The following PRRC2B variants were observed in gnomAD, a reference collection of about 807,000 sequenced individuals.
PRRC2B encodes proline rich coiled-coil 2B.
Under a neutral mutation model 242.3 loss-of-function variants are expected in PRRC2B, and 68 were observed. That is an observed-to-expected ratio of 0.28 (90% CI 0.23 to 0.34). The LOEUF is 0.34. Among genes scored for constraint, PRRC2B ranks in the 10% least tolerant of loss-of-function variants. PRRC2B has a pLI of 1.00. For missense variants in PRRC2B, 2,835 were observed against 2,954.8 expected (o/e 0.96, Z 0.94); for synonymous variants, 1,228 against 1,173.6 (o/e 1.05, Z -0.95).
intron 8 of PRRC2B, 90 bp from the exon 9 acceptor site, chr9:131,447,571 CT>C (rs1838843605): frequency 1.6e-6 from 2 of 1,234,582 alleles, no homozygotes; most frequent in Non-Finnish European, 2.2e-6. Context: ...AAACATGAAC[CT>C]TTGCAGTGTG....
In PRRC2B at chr9:131,475,231, C is replaced by T. The variant is rs1219920758; in HGVS notation, c.3102C>T (p.Pro1034=). ...CTGACAAGGCCTGGGAAGCCAGACC[C>T]CCACGAGAGTCCAGCGATGTTCCCC... is the stretch of plus-strand genomic sequence containing the variant. ...EKPDKAWEAR[P]PRESSDVPPM... is the part of the protein sequence containing the mutation. The change falls in exon 16 of 32, where the codon CCC becomes CCT. Residue 1034 remains proline (P), a synonymous_variant. Coordinates refer to ENST00000683519, the MANE Select transcript of PRRC2B (RefSeq NM_013318.4). The T allele has an allele frequency of 1.9e-6, 3 of 1,613,626 alleles. No individual in the cohort carries two copies. The highest frequency in any genetic ancestry group is 2.5e-6 in the Non-Finnish European group (3 of 1,179,878).
chr9:131,458,795 G>A (rs1401687209), intron 10 of PRRC2B, among the ~76,000 whole-genome samples: 8 of 152,168 alleles, frequency 5.3e-5, no homozygotes, highest in Non-Finnish European at 8.8e-5. Context: ...GAGCCACTAC[G>A]CCCAGGCCCT....
At chr9:131,419,657 CTTG>C (rs1837745737) in intron 1 of PRRC2B, among the ~76,000 whole-genome samples, 1 of 135,556 alleles carries the variant, frequency 7.4e-6, no homozygotes, top group African/African-American at 2.8e-5. Context: ...TCTTTGTTCT[CTTG>C]TTTATTCCTT....
At chr9:131,391,026 C>T (rs550537514), upstream of PRRC2B, among the ~76,000 whole-genome samples, 1 of 152,024 alleles carries the variant, frequency 6.6e-6, no homozygotes, top group East Asian at 1.9e-4. Flanking sequence ...ACCAAGTGAT[C>T]TGCCCACCTC....
intron 14 of PRRC2B, among the ~76,000 whole-genome samples, chr9:131,471,927 G>T (rs962669683): frequency 6.6e-6 from 1 of 152,150 alleles, no homozygotes; most frequent in Non-Finnish European, 1.5e-5. Context: ...TTACTAAAAG[G>T]TGTTTTAAAA....
intron 13 of PRRC2B, among the ~76,000 whole-genome samples, chr9:131,468,611 T>A (rs964541735): frequency 6.6e-6 from 1 of 152,136 alleles, no homozygotes; most frequent in African/African-American, 2.4e-5. Flanking sequence ...GGGAACACAG[T>A]AGTCAATACT....
intron 3 of PRRC2B, among the ~76,000 whole-genome samples, chr9:131,436,362 G>T (rs995417274): frequency 6.6e-6 from 1 of 152,018 alleles, no homozygotes; most frequent in Admixed American, 6.6e-5. Context: ...GAGACCCCCT[G>T]TCTCAAAAAA....
Position 131,473,722 on chromosome 9 carries a change from C to T in PRRC2B, c.2322C>T (p.Val774=), listed in dbSNP as rs2131442998. 1 of 1,612,024 alleles carries T rather than the reference C, an allele frequency of 6.2e-7. No individual in the cohort carries two copies. The highest frequency in any genetic ancestry group is 2.2e-5 in the East Asian group (1 of 44,842). ...ACACCTTGGCTATGGACATGCGTGT[C>T]AGGTGAGATGAAGCCTGGTCCTGCT... ...SSDTLAMDMR[V]RNESSFSASL... Residue 774 remains valine (V), a splice_region_variant and synonymous_variant, in exon 15 of 32, where the codon GTC becomes GTT. Coordinates refer to ENST00000683519, the MANE Select transcript of PRRC2B (RefSeq NM_013318.4).
At chr9:131,444,469 C>T in intron 6 of PRRC2B, 141 bp downstream of exon 6, 3 of 909,818 alleles carry the variant, frequency 3.3e-6, no homozygotes, top group Non-Finnish European at 4.9e-6. Context: ...GCCACGTGAT[C>T]TGTGCATCCA....
rs140624669 is a variant in PRRC2B, at chr9:131,451,609, A to G, written c.1121-3467A>G. On this transcript the variant is annotated intron_variant, in intron 9 of 31. Coordinates refer to ENST00000683519, the MANE Select transcript of PRRC2B (RefSeq NM_013318.4). The stretch of plus-strand genomic sequence containing the variant: ...GTATTTTGCCTTATTGCACTGTGGT[A>G]TACTTCTAGTATAATATTAACCTCA... Among the ~76,000 whole-genome samples, 437 of 150,668 alleles carry G rather than the reference A, an allele frequency of 2.9e-3. 1 individual carries two copies. Among genetic ancestry groups the G allele is most frequent in the Middle Eastern group, 0.014 (4 of 290 alleles).
Position 131,491,405 on chromosome 9 carries a change from C to T in PRRC2B, c.6226-20C>T. 6.3e-7 allele frequency: 1 copy of T among 1,575,702 alleles called. No individual in the cohort carries two copies. The highest frequency in any genetic ancestry group is 8.6e-7 in the Non-Finnish European group (1 of 1,160,740). On this transcript the variant is annotated intron_variant, in intron 28 of 31. Transcript: ENST00000683519. ...TCCATAGCATCATTCCCCCTCCTGA[C>T]TGTCATTGTCGCCCAGCAGCTGACC...
At chr9:131,428,743 G>C (rs1838041506) in intron 1 of PRRC2B, among the ~76,000 whole-genome samples, 1 of 152,056 alleles carries the variant, frequency 6.6e-6, no homozygotes, top group Non-Finnish European at 1.5e-5. Flanking sequence ...TGACCAGGCT[G>C]GTCTCAAACT....
rs1316111099 is a variant in PRRC2B at position 131,455,105 on chromosome 9, A to G, written c.1150A>G (p.Lys384Glu). The stretch of plus-strand genomic sequence containing the variant: ...CCATGAAGAAGTGGACTATTCTGAG[A>G]AACTGAAGTTCAGTGATGATGAAGA... ...GLHEEVDYSE[K>E]LKFSDDEEEE... The change falls in exon 10 of 32, where the codon AAA becomes GAA. Residue 384 changes from lysine to glutamate, a missense_variant. Around this residue, in one of 7 missense-constraint regions of PRRC2B, gnomAD observed 626 missense variants for 685.5 expected, o/e 0.91. Coordinates refer to ENST00000683519, the MANE Select transcript of PRRC2B (RefSeq NM_013318.4). The G allele has an allele frequency of 6.2e-7, 1 of 1,613,832 alleles. No individual in the cohort carries two copies. Among genetic ancestry groups the G allele is most frequent in the African/African-American group, 1.3e-5 (1 of 75,024 alleles).
intron 1 of PRRC2B, among the ~76,000 whole-genome samples, chr9:131,420,455 TTCTTTCTTTCTTTC>T (rs1837779177): frequency 9.9e-5 from 1 of 10,058 alleles, no homozygotes; most frequent in African/African-American, 1.7e-4. Context: ...CTTTTTCTTT[TTCTTTCTTTCTTTC>T]TTTCTTTCTT....
intron 1 of PRRC2B, among the ~76,000 whole-genome samples, chr9:131,387,290 C>A (rs754102512): frequency 6.7e-6 from 1 of 149,984 alleles, no homozygotes; most frequent in Non-Finnish European, 1.5e-5. Flanking sequence ...CGTGAGCCAC[C>A]GCGCCCGGCC....
intron 19 of PRRC2B, 71 bp from the exon 20 acceptor site, chr9:131,481,655 C>A (rs561362936): frequency 8.0e-7 from 1 of 1,254,674 alleles, no homozygotes. Context: ...TGTGCTTGTT[C>A]TTTAAGAGCT....
Position 131,495,707 on chromosome 9 carries a change from G to A in PRRC2B, c.6556-33G>A, listed in dbSNP as rs564337723. 3.1e-6 allele frequency: 5 copies of A among 1,589,260 alleles called. No homozygotes were observed. In the African/African-American group the frequency reaches 4.0e-5, roughly 13 times the overall value. On this transcript the variant is annotated intron_variant, in intron 31 of 31. Coordinates refer to ENST00000683519, the MANE Select transcript of PRRC2B (RefSeq NM_013318.4). ...TATCCAAACACGTTTCAGCGTCAGG[G>A]TCACTTTGTTTTTCCCATTCATCTG...
rs143243640 is a variant in PRRC2B, at chr9:131,421,744, C to T, written c.-51-8350C>T. Among the ~76,000 whole-genome samples the T allele has an allele frequency of 6.0e-4, 91 of 152,302 alleles. 1 individual carries two copies. The highest frequency in any genetic ancestry group is 2.1e-3 in the African/African-American group (87 of 41,562). On this transcript the variant is annotated intron_variant, in intron 1 of 31. Coordinates refer to ENST00000683519, the MANE Select transcript of PRRC2B (RefSeq NM_013318.4). ...TGAAGAGTGAAGTGACTGGATTTGC[C>T]TTGGGTGAGAATCTGGCTGTTGGTG... is the stretch of plus-strand genomic sequence containing the variant.
In PRRC2B at chr9:131,476,234, C is replaced by T. The variant is rs374118917; in HGVS notation, c.4105C>T (p.His1369Tyr). ...PELSYQNSSD[H>Y]ANEEWETASE... ...GCTCTCCTACCAGAACTCCTCCGAT[C>T]ACGCCAATGAGGAGTGGGAGACGGC... Residue 1369 changes from histidine (H) to tyrosine (Y), a missense_variant, in exon 16 of 32, where the codon CAC becomes TAC. Physicochemically the swap from His to Tyr is moderately conservative, Grantham distance 83 (BLOSUM62 2). Around this residue, in one of 7 missense-constraint regions of PRRC2B, gnomAD observed 1,536 missense variants for 1,483.1 expected, o/e 1.04. Coordinates refer to ENST00000683519, the MANE Select transcript of PRRC2B (RefSeq NM_013318.4). 2 of 1,612,970 alleles carry T rather than the reference C, an allele frequency of 1.2e-6. No homozygotes were observed. Among genetic ancestry groups the T allele is most frequent in the African/African-American group, 2.7e-5 (2 of 74,928 alleles).
Sources: allele counts gnomAD v4.1 joint callset (sites outside exome capture counted in the v4.1 genomes callset), GRCh38; gene constraint gnomAD v4.1.1; regional missense constraint gnomAD v4.1.1; transcripts MANE v1.5; gene names NCBI Gene and HGNC (gene_info 2026-07-23, HGNC 2026-07-21).